PLCXD1: variants seen among roughly 807,000 people sequenced by gnomAD.
PLCXD1 encodes the protein PI-PLC X domain-containing protein 1.
A neutral mutation model predicts 37.8 loss-of-function variants in PLCXD1; 45 were observed. That is an observed-to-expected ratio of 1.19 (90% CI 0.94 to 1.53). PLCXD1 has a LOEUF of 1.53. Ranked by LOEUF, PLCXD1 falls within the 40% of genes most tolerant of loss-of-function variation. The pLI is 0.00. For missense variants in PLCXD1, 539 were observed against 454.7 expected, an observed-to-expected ratio of 1.19 and a Z score of -1.69; for synonymous variants, 246 against 206.9, an observed-to-expected ratio of 1.19 and a Z score of -1.62.
At chrX:299,018 C>G in intron 6 of PLCXD1, 79 bp from the exon 7 acceptor site, 1 of 1,080,338 alleles carries the variant, frequency 9.3e-7, no homozygotes, top group South Asian at 1.2e-5. Context: ...ATGCGAACCT[C>G]TAATAATGTG....
chrX:284,247 C>A lies in PLCXD1; in HGVS notation c.60C>A (p.Asn20Lys). 2 of 1,613,600 alleles carry A rather than the reference C, an allele frequency of 1.2e-6. No homozygotes were observed. Among genetic ancestry groups the A allele is most frequent in the Non-Finnish European group, 1.7e-6 (2 of 1,179,794 alleles). ...CGAGGCTGCACTGCAGAAATGCCAA[C>A]GAGGACTGGATGTCGGCACTGTGTC... ...SFSRLHCRNANEDWMSALCPR... is the reference protein window; with the variant it reads ...SFSRLHCRNAKEDWMSALCPR... The change falls in exon 2 of 7, where the codon AAC (asparagine) becomes AAA (lysine). Residue 20 changes from asparagine to lysine, a missense_variant. Asn to Lys is a moderately conservative substitution (Grantham distance 94). Coordinates refer to ENST00000381657, the MANE Select transcript of PLCXD1 (RefSeq NM_018390.4).
intron 6 of PLCXD1, among the ~76,000 whole-genome samples, chrX:297,555 A>G (rs1447878847): frequency 7.6e-5 from 4 of 52,726 alleles, no homozygotes; most frequent in African/African-American, 3.6e-4. Context: ...CTTTGGGGAC[A>G]TTATTCTGTC....
Position 291,861 on chromosome X carries a change from C to T in PLCXD1, c.549+207C>T, listed in dbSNP as rs765292828. Among the ~76,000 whole-genome samples, 33 of 152,238 alleles carry T rather than the reference C, an allele frequency of 2.2e-4. No individual in the cohort carries two copies. The South Asian group carries it at 2.3e-3, about 11-fold the overall frequency. On this transcript the variant is annotated intron_variant, in intron 5 of 6. Coordinates refer to ENST00000381657, the MANE Select transcript of PLCXD1 (RefSeq NM_018390.4). Reference sequence around the variant, plus strand: ...TCCTGGTGAGATCTGCTTCCCTTGACGGGTTTAGAAATGTGTGCAGCGTCA... The same window carrying T: ...TCCTGGTGAGATCTGCTTCCCTTGATGGGTTTAGAAATGTGTGCAGCGTCA...
chrX:282,844 TATGTATATATAGTG>T (rs1297290994), intron 1 of PLCXD1, among the ~76,000 whole-genome samples: 2 of 146,960 alleles, frequency 1.4e-5, no homozygotes, highest in Non-Finnish European at 3.0e-5. Flanking sequence ...TATACTTATA[TATGTATATATAGTG>T]ATGTATATAT....
chrX:302,744 T>G lies in PLCXD1; in HGVS notation c.*3409T>G, dbSNP rs754337487. On this transcript the variant is annotated 3_prime_UTR_variant, in exon 7 of 7. Transcript: ENST00000381657. ...GCCCGCCACCACGCCCGGATAATTT[T>G]TGTGTGTTTAGCAGAGACGGGGTTT... The G allele has an allele frequency of 6.6e-6, 1 of 152,066 alleles. No individual in the cohort carries two copies. The highest frequency in any genetic ancestry group is 6.5e-5 in the Admixed American group (1 of 15,268). 9.4% of individuals were successfully genotyped at this position (152,066 alleles called of 1,614,324 possible).
At chrX:292,947 C>G in intron 5 of PLCXD1, 88 bp from the exon 6 acceptor site, 2 of 865,204 alleles carry the variant, frequency 2.3e-6, no homozygotes, top group Non-Finnish European at 3.6e-6. Flanking sequence ...CGTGTTGGGC[C>G]GGTGTCCCGA....
At chrX:296,262 G>A (rs958832875) in intron 6 of PLCXD1, among the ~76,000 whole-genome samples, 3 of 151,922 alleles carry the variant, frequency 2.0e-5, no homozygotes, top group South Asian at 2.1e-4. Flanking sequence ...CTGGGATTAC[G>A]GGCACGTACC....
intron 1 of PLCXD1, 59 bp from the exon 2 acceptor site, chrX:284,106 GTC>G (rs2069366722): frequency 1.5e-6 from 2 of 1,378,342 alleles, no homozygotes; most frequent in Non-Finnish European, 2.1e-6. Flanking sequence ...GGCCAGGCTG[GTC>G]TCGAACTCCT....
chrX:293,258 C>G, intron 6 of PLCXD1, 40 bp downstream of exon 6: 2 of 1,521,506 alleles, frequency 1.3e-6, no homozygotes, highest in Non-Finnish European at 1.8e-6. Flanking sequence ...TCCACACAGC[C>G]TCCCGTGACG....
At position 300,410 on chromosome X, in the gene PLCXD1, A is replaced by T. The variant is rs374804781; in HGVS notation, c.*1075A>T. On this transcript the variant is annotated 3_prime_UTR_variant, in exon 7 of 7. Coordinates refer to ENST00000381657, the MANE Select transcript of PLCXD1 (RefSeq NM_018390.4). ...TGTGTGTTTATGTGTCTGTGTGTATATATGTGTATATATCGGTGTGTATAT... is the reference window on the plus strand; with the variant it reads ...TGTGTGTTTATGTGTCTGTGTGTATTTATGTGTATATATCGGTGTGTATAT... The T allele has an allele frequency of 4.0e-5, 6 of 150,814 alleles. 1 individual carries two copies. The highest frequency in any genetic ancestry group is 1.2e-4 in the African/African-American group (5 of 41,070). The allele number at this position is 150,814 out of a possible 1,614,324, so 9.3% of individuals were successfully genotyped here.
At chrX:291,895 C>T (rs1344927948) in intron 5 of PLCXD1, among the ~76,000 whole-genome samples, 5 of 152,002 alleles carry the variant, frequency 3.3e-5, no homozygotes, top group Admixed American at 2.0e-4. Context: ...CAGCCGGGCG[C>T]GGTGGCTCAC....
upstream of PLCXD1, among the ~76,000 whole-genome samples, chrX:279,848 G>C (rs1426162872): frequency 6.6e-6 from 1 of 152,042 alleles, no homozygotes; most frequent in African/African-American, 2.4e-5. Context: ...AGGATGTGGA[G>C]ACGAAGGTTT....
At chrX:278,925 C>T (rs1322571397), upstream of PLCXD1, among the ~76,000 whole-genome samples, 2 of 151,982 alleles carry the variant, frequency 1.3e-5, no homozygotes, top group East Asian at 1.9e-4. Context: ...CGCGTCGGTG[C>T]GAAGAGACCC....
rs759033335 is a variant in PLCXD1, at chrX:284,331, G to A, written c.127+17G>A. On this transcript the variant is annotated intron_variant, in intron 2 of 6. Transcript: ENST00000381657. ...CCATCCCAGGTGAGGTTGGGGTGGG[G>A]CAGGGGCCGTTGCCTCTATCCCAGG... 6.2e-7 allele frequency: 1 copy of A among 1,612,330 alleles called. No individual in the cohort carries two copies. The highest frequency in any genetic ancestry group is 1.1e-5 in the South Asian group (1 of 90,996).
chrX:277,215 G>A (rs191889700), upstream of PLCXD1, among the ~76,000 whole-genome samples: 17,446 of 128,594 alleles, frequency 0.14, 1,334 homozygotes, highest in East Asian at 0.28. Flanking sequence ...AGGAGGGGGC[G>A]CCCCTCAGTG....
Position 299,164 on chromosome X carries a change from G to C in PLCXD1, c.801G>C (p.Glu267Asp). 6.2e-7 allele frequency: 1 copy of C among 1,613,972 alleles called. No individual in the cohort carries two copies. The highest frequency in any genetic ancestry group is 8.5e-7 in the Non-Finnish European group (1 of 1,179,876). The change falls in exon 7 of 7, where the codon GAG (glutamate) becomes GAC (aspartate). Residue 267 changes from glutamate (E) to aspartate (D), a missense_variant. Glu to Asp is a conservative substitution (Grantham distance 45). Transcript: ENST00000381657. ...AGTACGTTCTGGCGCACCCGTCCGA[G>C]TCCCTGGAGAAGATGACGCTGCCCA... ...NLQYVLAHPS[E>D]SLEKMTLPNL...
rs773398252 is a variant in PLCXD1 at position 290,293 on chromosome X, G to A, written c.265-355G>A. On this transcript the variant is annotated intron_variant, in intron 3 of 6. Transcript: ENST00000381657. The stretch of plus-strand genomic sequence containing the variant: ...ATACAAAACAAAATTAGCTGGGCGC[G>A]GTGGCGGGCGCCTGCAGTCCCAGCT... Among the ~76,000 whole-genome samples, 412 of 152,248 alleles carry A rather than the reference G, an allele frequency of 2.7e-3. 4 individuals are homozygous for A. Among genetic ancestry groups the A allele is most frequent in the African/African-American group, 9.5e-3 (395 of 41,550 alleles).
rs755986282 is a variant in PLCXD1, at chrX:288,685, C to T, written c.128-48C>T. ...CTGTGGAGCGACTCACAGCAGGTGG[C>T]GGGGACGGACTCGTGGTGACATGTC... On this transcript the variant is annotated intron_variant, in intron 2 of 6. Transcript: ENST00000381657. 1.1e-5 allele frequency: 17 copies of T among 1,606,238 alleles called. No individual in the cohort carries two copies. The East Asian group carries it at 1.1e-4, about 11-fold the overall frequency.
At chrX:280,386 G>T (rs1439687943), upstream of PLCXD1, among the ~76,000 whole-genome samples, 1 of 72,976 alleles carries the variant, frequency 1.4e-5, no homozygotes, top group Non-Finnish European at 3.0e-5. Flanking sequence ...GGGAGGCCGT[G>T]CAGGGGGAAG....
Sources: gnomAD v4.1 joint callset for allele counts (sites outside exome capture counted in the v4.1 genomes callset) on GRCh38, gnomAD v4.1.1 for gene constraint, MANE v1.5 for transcripts, NCBI Gene and HGNC (gene_info 2026-07-23, HGNC 2026-07-21) for gene names.